ZHX3: variants seen among roughly 807,000 people sequenced by gnomAD.
ZHX3 encodes the protein zinc fingers and homeoboxes protein 3.
ZHX3 carries 20 observed loss-of-function variants against 64.5 expected under a neutral mutation model. That is an observed-to-expected ratio of 0.31 (90% confidence interval 0.22 to 0.45). The LOEUF is 0.45. Among genes scored for constraint, ZHX3 ranks in the 20% least tolerant of loss-of-function variants. The pLI is 1.00. For synonymous variants in ZHX3, 423 were observed against 461.6 expected, an observed-to-expected ratio of 0.92 and a Z score of 1.07; for missense variants, 1,041 against 1,195.8, an observed-to-expected ratio of 0.87 and a Z score of 1.91.
chr20:41,315,346 CTTT>C lies in ZHX3; in HGVS notation c.-245+2160_-245+2162del, dbSNP rs11471425. ...TACAGGCACGCACCACCAGGCCTGG[CTTT>C]TTTTTTTTTTTTTTTTTTTTTTTTT... On this transcript the variant is annotated intron_variant, in intron 1 of 3. Transcript: ENST00000683867. Among the ~76,000 whole-genome samples, 224 of 56,024 alleles carry C rather than the reference CTTT, an allele frequency of 4.0e-3. 2 individuals carry two copies. The highest frequency in any genetic ancestry group is 0.015 in the African/African-American group (158 of 10,386). 36.8% of individuals were successfully genotyped at this position (56,024 alleles called of 152,430 possible).
At chr20:41,188,738 C>T (rs900901155) in intron 3 of ZHX3, among the ~76,000 whole-genome samples, 13 of 151,676 alleles carry the variant, frequency 8.6e-5, no homozygotes, top group Admixed American at 3.3e-4. Context: ...TGTTGAATTC[C>T]TTATATATTC....
chr20:41,248,456 A>T (rs1334498619), intron 2 of ZHX3, among the ~76,000 whole-genome samples: 1 of 152,238 alleles, frequency 6.6e-6, no homozygotes. Flanking sequence ...TCTCATGGGA[A>T]CATCAAATGA....
At chr20:41,196,215 C>A (rs2037472555) in intron 3 of ZHX3, among the ~76,000 whole-genome samples, 1 of 139,074 alleles carries the variant, frequency 7.2e-6, no homozygotes, top group Non-Finnish European at 1.5e-5. Flanking sequence ...TGTCTTTCTC[C>A]CTTTAATTCT....
chr20:41,300,889 G>A (rs913529033), intron 1 of ZHX3, among the ~76,000 whole-genome samples: 38 of 152,296 alleles, frequency 2.5e-4, no homozygotes, highest in Admixed American at 2.6e-4. Flanking sequence ...AAGACAGAAG[G>A]GCTAAGGAGG....
intron 1 of ZHX3, among the ~76,000 whole-genome samples, chr20:41,282,900 T>C (rs1261833213): frequency 6.6e-6 from 1 of 152,144 alleles, no homozygotes; most frequent in African/African-American, 2.4e-5. Flanking sequence ...CAACTCTTTA[T>C]TGTTTTATTT....
intron 2 of ZHX3, among the ~76,000 whole-genome samples, chr20:41,261,563 T>C (rs1016756326): frequency 2.0e-5 from 3 of 152,182 alleles, no homozygotes; most frequent in Non-Finnish European, 4.4e-5. Flanking sequence ...CTCTACTTCT[T>C]TCTCTAGCAT....
Position 41,202,824 on chromosome 20 carries a change from C to A in ZHX3, c.2093G>T (p.Ser698Ile). The A allele has an allele frequency of 1.2e-6, 2 of 1,614,172 alleles. No individual in the cohort carries two copies. Among genetic ancestry groups the A allele is most frequent in the Non-Finnish European group, 1.7e-6 (2 of 1,180,028 alleles). The change falls in exon 3 of 4, where the codon AGT (serine) becomes ATT (isoleucine). Residue 698 changes from serine to isoleucine, a missense_variant. Ser to Ile is a moderately radical substitution (Grantham distance 142, BLOSUM62 -2). Coordinates refer to ENST00000683867, the MANE Select transcript of ZHX3 (RefSeq NM_001384317.1). This position sits in a 1 kb window ranked among gnomAD's most constrained non-coding sequence, Gnocchi z 7.0. ...EDEGGEEDLA[S>I]ELRVSGENGS... Reference sequence around the variant, plus strand: ...ATTTTCACCAGAGACCCTTAGCTCACTGGCCAAATCCTCTTCTCCACCCTC... The same window carrying A: ...ATTTTCACCAGAGACCCTTAGCTCAATGGCCAAATCCTCTTCTCCACCCTC...
At chr20:41,251,845 T>C (rs1426561321) in intron 2 of ZHX3, among the ~76,000 whole-genome samples, 1 of 152,016 alleles carries the variant, frequency 6.6e-6, no homozygotes, top group Non-Finnish European at 1.5e-5. Flanking sequence ...AATATATATA[T>C]ATATATAACA....
rs534128091 is a variant in ZHX3 at position 41,273,429 on chromosome 20, T to A, written c.-244-4346A>T. Among the ~76,000 whole-genome samples, 6 of 152,296 alleles carry A rather than the reference T, an allele frequency of 3.9e-5. No homozygotes were observed. In the East Asian group the frequency reaches 1.2e-3, roughly 29 times the overall value. On this transcript the variant is annotated intron_variant, in intron 1 of 3. Transcript: ENST00000683867. ...TGTGCTTTTGGTGTGTTTCTAAGAATCCATTACCAAATCCAAGGTCATGAA... is the reference window on the plus strand; with the variant it reads ...TGTGCTTTTGGTGTGTTTCTAAGAAACCATTACCAAATCCAAGGTCATGAA...
Position 41,202,858 on chromosome 20 carries a change from C to G in ZHX3, c.2059G>C (p.Ala687Pro), listed in dbSNP as rs1391645282. 2 of 1,614,086 alleles carry G rather than the reference C, an allele frequency of 1.2e-6. No individual in the cohort carries two copies. The highest frequency in any genetic ancestry group is 1.3e-5 in the African/African-American group (1 of 74,918). The change falls in exon 3 of 4, where the codon GCT (alanine) becomes CCT (proline). Residue 687 changes from alanine (A) to proline (P), a missense_variant. Physicochemically the swap from Ala to Pro is conservative, Grantham distance 27. Around this residue, in one of 4 missense-constraint regions of ZHX3, gnomAD observed 649 missense variants for 739.8 expected, o/e 0.88. Coordinates refer to ENST00000683867, the MANE Select transcript of ZHX3 (RefSeq NM_001384317.1). The surrounding 1 kb of genome is among the most constrained non-coding windows in gnomAD (Gnocchi z 7.0). ...TCCTCTTCTCCACCCTCATCCTCAG[C>G]AGCCTCCTCTTCCTCCTGAGAGGCA... ...ENASQEEEEA[A>P]EDEGGEEDLA...
intron 2 of ZHX3, among the ~76,000 whole-genome samples, chr20:41,267,111 T>C (rs1600568979): frequency 6.6e-6 from 1 of 152,044 alleles, no homozygotes; most frequent in South Asian, 2.1e-4. Context: ...CCTCCCAGAG[T>C]GCTGGGATTA....
chr20:41,233,431 T>C (rs937754363), intron 2 of ZHX3, among the ~76,000 whole-genome samples: 1 of 152,234 alleles, frequency 6.6e-6, no homozygotes, highest in South Asian at 2.1e-4. Flanking sequence ...CTCAAAAAGT[T>C]TGAGACCCAA....
rs190161695 is a variant in ZHX3, at chr20:41,186,813, G to A, written c.2861-1612C>T. Among the ~76,000 whole-genome samples, 81 of 152,206 alleles carry A rather than the reference G, an allele frequency of 5.3e-4. 1 individual carries two copies. Among genetic ancestry groups the A allele is most frequent in the East Asian group, 5.0e-3 (26 of 5,186 alleles). ...TGAGAAATGTCTAAATCATTTGCCC[G>A]TTTTTGAATTGGTTTTGTTGTTCAG... On this transcript the variant is annotated intron_variant, in intron 3 of 3. Transcript: ENST00000683867.
chr20:41,207,909 G>C (rs2038855428), intron 2 of ZHX3, among the ~76,000 whole-genome samples: 1 of 152,092 alleles, frequency 6.6e-6, no homozygotes, highest in Non-Finnish European at 1.5e-5. Context: ...TCCAGGAGCT[G>C]GTTTTTTGAA....
intron 1 of ZHX3, among the ~76,000 whole-genome samples, chr20:41,299,321 T>C (rs1171433263): frequency 6.6e-6 from 1 of 152,196 alleles, no homozygotes; most frequent in African/African-American, 2.4e-5. Flanking sequence ...GGATAATCTG[T>C]CACATGATTT....
intron 3 of ZHX3, among the ~76,000 whole-genome samples, chr20:41,189,641 A>G (rs1015891897): frequency 2.6e-5 from 4 of 151,978 alleles, no homozygotes; most frequent in African/African-American, 9.7e-5. Context: ...CAGCTATTTT[A>G]TTATTGGTGT....
Position 41,313,383 on chromosome 20 carries a change from G to A in ZHX3, c.-245+4126C>T, listed in dbSNP as rs1279199905. Among the ~76,000 whole-genome samples the A allele has an allele frequency of 4.6e-5, 7 of 152,178 alleles. No homozygotes were observed. The East Asian group carries it at 7.7e-4, about 17-fold the overall frequency. ...TGCATCCAGGGGGTTCTAGGGTCCT[G>A]GGAATTGATGAGATCATTTAGAGAG... On this transcript the variant is annotated intron_variant, in intron 1 of 3. Transcript: ENST00000683867.
chr20:41,291,083 T>C (rs2044214720), intron 1 of ZHX3, among the ~76,000 whole-genome samples: 1 of 152,206 alleles, frequency 6.6e-6, no homozygotes, highest in Admixed American at 6.5e-5. Context: ...TTGGGGAAGT[T>C]AAATACATTG....
Position 41,228,163 on chromosome 20 carries a change from T to G in ZHX3, c.-150-23097A>C, listed in dbSNP as rs1456980179. Among the ~76,000 whole-genome samples the G allele has an allele frequency of 3.3e-5, 5 of 152,146 alleles. No homozygotes were observed. Among genetic ancestry groups the G allele is most frequent in the Non-Finnish European group, 5.9e-5 (4 of 68,018 alleles). On this transcript the variant is annotated intron_variant, in intron 2 of 3. Transcript: ENST00000683867. This position sits in a 1 kb window ranked among gnomAD's most constrained non-coding sequence, Gnocchi z 4.6. ...GGGAGCAAACTCATGCCCAGGACTT[T>G]GCAATCTCCTCTACCCAAGAGATTT... is the stretch of plus-strand genomic sequence containing the variant.
Sources: gnomAD v4.1 joint callset for allele counts (sites outside exome capture counted in the v4.1 genomes callset) on GRCh38, gnomAD v4.1.1 for gene constraint, gnomAD v4.1.1 regional missense constraint, Gnocchi (gnomAD v3.1) non-coding constraint, MANE v1.5 for transcripts, NCBI Gene and HGNC (gene_info 2026-07-23, HGNC 2026-07-21) for gene names.